Variants in SGCD observed in about 807,000 individuals in gnomAD.
SGCD encodes delta-sarcoglycan.
Under a neutral mutation model 36.6 loss-of-function variants are expected in SGCD, and 18 were observed. The ratio of observed to expected loss-of-function variants is 0.49; its 90% CI spans 0.34 to 0.73. The LOEUF is 0.73. SGCD is among the 30% of genes least tolerant of loss of function. The probability of loss-of-function intolerance (pLI) is 0.01; values close to 1 mark genes in which losing one functional copy is unlikely to be tolerated. For synonymous variants in SGCD, 133 were observed against 130.6 expected, an observed-to-expected ratio of 1.02 and a Z score of -0.12; for missense variants, 387 against 346.7, an observed-to-expected ratio of 1.12 and a Z score of -0.92.
At chr5:156,233,216 A>G (rs114227705) in intron 3 of SGCD, among the ~76,000 whole-genome samples, 2,328 of 152,348 alleles carry the variant, frequency 0.015, 26 homozygotes, top group Non-Finnish European at 0.026. Flanking sequence ...TTTGTAAAAT[A>G]CTAAGATTTG....
At chr5:156,655,044 G>A (rs1763618705) in intron 7 of SGCD, among the ~76,000 whole-genome samples, 1 of 152,086 alleles carries the variant, frequency 6.6e-6, no homozygotes. Flanking sequence ...CTGCAGTTAA[G>A]TTGGAATGTT....
the SGCD span, among the ~76,000 whole-genome samples, chr5:155,732,082 G>C: frequency 1.3e-5 from 2 of 152,172 alleles, no homozygotes; most frequent in South Asian, 4.2e-4. Flanking sequence ...AGTTCCAGGG[G>C]AAGGCAGATG....
intron 3 of SGCD, among the ~76,000 whole-genome samples, chr5:156,265,011 G>A (rs1166375608): frequency 6.6e-6 from 1 of 152,040 alleles, no homozygotes; most frequent in Non-Finnish European, 1.5e-5. Context: ...AGATGAGTGG[G>A]GAGAAGTGAG....
At chr5:155,878,818 T>C (rs2061526432) in intron 1 of SGCD, among the ~76,000 whole-genome samples, 1 of 152,300 alleles carries the variant, frequency 6.6e-6, no homozygotes, top group South Asian at 2.1e-4. Context: ...ATATATAAAA[T>C]TGGACTGTCA....
At chr5:156,551,951 G>T (rs1758815948) in intron 4 of SGCD, among the ~76,000 whole-genome samples, 1 of 152,076 alleles carries the variant, frequency 6.6e-6, no homozygotes, top group Admixed American at 6.6e-5. Flanking sequence ...AAAAAATGGG[G>T]TTCTTGTTTA....
At position 156,597,280 on chromosome 5, in the gene SGCD, T is replaced by C. The variant is rs1256573946; in HGVS notation, c.502+2229T>C. 2.7e-5 allele frequency among the ~76,000 whole-genome samples: 4 copies of C among 150,794 alleles called. No homozygotes were observed. The East Asian group carries it at 7.7e-4, about 29-fold the overall frequency. On this transcript the variant is annotated intron_variant, in intron 6 of 8. Coordinates refer to ENST00000337851, the MANE Select transcript of SGCD (RefSeq NM_000337.6). ...GATTTCTCTGGGTTGTAGGCGAGTA[T>C]ATTAGTCTGTTCTCACCCTGCTAAT... is the stretch of plus-strand genomic sequence containing the variant.
At chr5:156,205,558 T>C (rs986667856) in intron 3 of SGCD, among the ~76,000 whole-genome samples, 1 of 152,098 alleles carries the variant, frequency 6.6e-6, no homozygotes, top group African/African-American at 2.4e-5. Flanking sequence ...TAAATGGCTA[T>C]ACATTTTATC....
intron 1 of SGCD, among the ~76,000 whole-genome samples, chr5:155,912,614 G>T (rs1201264972): frequency 6.6e-6 from 1 of 152,034 alleles, no homozygotes; most frequent in African/African-American, 2.4e-5. Flanking sequence ...GCACAACTAG[G>T]GAGCCAGATT....
intron 1 of SGCD, among the ~76,000 whole-genome samples, chr5:156,111,127 A>G (rs1360675410): frequency 6.6e-6 from 1 of 152,230 alleles, no homozygotes; most frequent in Non-Finnish European, 1.5e-5. Flanking sequence ...GGAGGTGCTC[A>G]GAGAAAGTCG....
intron 3 of SGCD, among the ~76,000 whole-genome samples, chr5:156,417,544 C>T (rs1304741775): frequency 1.3e-5 from 2 of 152,248 alleles, no homozygotes; most frequent in African/African-American, 2.4e-5. Flanking sequence ...TTTTCTCATA[C>T]TTCTGCAGTC....
At chr5:156,231,759 A>T (rs559546279) in intron 3 of SGCD, among the ~76,000 whole-genome samples, 63 of 152,314 alleles carry the variant, frequency 4.1e-4, no homozygotes, top group African/African-American at 1.5e-3. Flanking sequence ...TCCAAGCTGT[A>T]GACTTCGTTT....
intron 3 of SGCD, among the ~76,000 whole-genome samples, chr5:156,169,350 C>A (rs544593341): frequency 6.6e-6 from 1 of 152,206 alleles, no homozygotes; most frequent in Non-Finnish European, 1.5e-5. Context: ...TATAACCACA[C>A]ATTTTGTAAA....
chr5:156,180,530 T>G (rs74461505), intron 3 of SGCD, among the ~76,000 whole-genome samples: 2,213 of 152,242 alleles, frequency 0.015, 27 homozygotes, highest in Non-Finnish European at 0.024. Context: ...GCTACAAATA[T>G]TAAGAAAATG....
intron 1 of SGCD, among the ~76,000 whole-genome samples, chr5:156,069,583 C>G (rs1481989419): frequency 1.3e-5 from 2 of 152,002 alleles, no homozygotes; most frequent in Non-Finnish European, 2.9e-5. Context: ...GTTCTTTTGG[C>G]TTAGGATTGA....
At chr5:155,892,410 G>A (rs1359625422) in intron 1 of SGCD, among the ~76,000 whole-genome samples, 5 of 141,808 alleles carry the variant, frequency 3.5e-5, no homozygotes, top group Non-Finnish European at 6.0e-5. Context: ...AGCCAAGATC[G>A]CGCCACTGCA....
chr5:156,060,712 A>G (rs1211217625), intron 1 of SGCD, among the ~76,000 whole-genome samples: 1 of 146,228 alleles, frequency 6.8e-6, no homozygotes, highest in East Asian at 1.9e-4. Context: ...TTTAGCCTAA[A>G]TATGGCTGTT....
chr5:155,871,730 T>G (rs1489406590), intron 1 of SGCD, among the ~76,000 whole-genome samples: 2 of 152,130 alleles, frequency 1.3e-5, no homozygotes, highest in African/African-American at 4.8e-5. Context: ...TAAGTTATGA[T>G]GGAAAATTCC....
intron 3 of SGCD, among the ~76,000 whole-genome samples, chr5:156,346,795 T>A (rs1768971732): frequency 6.6e-6 from 1 of 151,868 alleles, no homozygotes; most frequent in South Asian, 2.1e-4. Flanking sequence ...TTTTTATTTT[T>A]TTTATTTTTT....
intron 7 of SGCD, among the ~76,000 whole-genome samples, chr5:156,652,626 T>C (rs566873837): frequency 4.7e-4 from 72 of 152,192 alleles, no homozygotes; most frequent in Non-Finnish European, 8.1e-4. Flanking sequence ...CTGTGTTGAA[T>C]AGAAGTGATA....
Sources: allele counts gnomAD v4.1 joint callset (sites outside exome capture counted in the v4.1 genomes callset), GRCh38; gene constraint gnomAD v4.1.1; transcripts MANE v1.5; gene names NCBI Gene and HGNC (gene_info 2026-07-23, HGNC 2026-07-21).